NDUFS4: variants seen among roughly 807,000 people sequenced by gnomAD.
NDUFS4 encodes the protein NADH:ubiquinone oxidoreductase subunit S4.
NDUFS4 carries 28 observed loss-of-function variants against 24.3 expected under a neutral mutation model. The observed-to-expected ratio is 1.15, with a 90% CI of 0.85 to 1.58. The LOEUF is 1.58. Ranked by LOEUF, NDUFS4 falls within the 40% of genes most tolerant of loss-of-function variation. The pLI is 0.00. For synonymous variants in NDUFS4, 93 were observed against 69.7 expected (o/e 1.34, Z -1.67); for missense variants, 223 against 207.9 (o/e 1.07, Z -0.45).
intron 1 of NDUFS4, chr5:53,573,515 C>T (rs574334207): frequency 7.6e-5 from 33 of 435,436 alleles, no homozygotes; most frequent in East Asian, 2.2e-4. Flanking sequence ...GTATATGTTT[C>T]GTTAGATTTA....
chr5:53,645,332 G>A (rs1261612176), intron 2 of NDUFS4, among the ~76,000 whole-genome samples: 1 of 152,068 alleles, frequency 6.6e-6, no homozygotes, highest in Admixed American at 6.6e-5. Flanking sequence ...TCAGACCTTG[G>A]CAATGGCCTT....
At chr5:53,658,929 T>C (rs763130523) in intron 4 of NDUFS4, 1 of 301,774 alleles carries the variant, frequency 3.3e-6, no homozygotes, top group Non-Finnish European at 6.2e-6. Flanking sequence ...ACTAACATTT[T>C]GTTGAACTTC....
chr5:53,582,997 C>A (rs1391647977), intron 1 of NDUFS4, among the ~76,000 whole-genome samples: 1 of 152,050 alleles, frequency 6.6e-6, no homozygotes, highest in Non-Finnish European at 1.5e-5. Context: ...TGCCTCTCAG[C>A]CTCCTGAGTA....
At chr5:53,678,949 C>T (rs1436740614) in intron 4 of NDUFS4, among the ~76,000 whole-genome samples, 2 of 152,088 alleles carry the variant, frequency 1.3e-5, no homozygotes, top group Non-Finnish European at 2.9e-5. Context: ...ATTTGTTCAT[C>T]CAGGTACTGT....
chr5:53,565,759 G>A (rs79147863), intron 1 of NDUFS4, among the ~76,000 whole-genome samples: 2,539 of 152,324 alleles, frequency 0.017, 79 homozygotes, highest in Admixed American at 0.078. Flanking sequence ...TTTGACAAGT[G>A]TTCAGACACT....
At chr5:53,643,807 G>C (rs2112504321) in intron 2 of NDUFS4, among the ~76,000 whole-genome samples, 1 of 152,224 alleles carries the variant, frequency 6.6e-6, no homozygotes, top group South Asian at 2.1e-4. Context: ...CAATTGGGCT[G>C]TAGTACCTTA....
chr5:53,617,858 G>A (rs1479804995), intron 2 of NDUFS4, among the ~76,000 whole-genome samples: 1 of 152,192 alleles, frequency 6.6e-6, no homozygotes, highest in Non-Finnish European at 1.5e-5. Context: ...TAGATCTTTA[G>A]TCATCTCTTC....
At chr5:53,569,957 G>C (rs2112412603) in intron 1 of NDUFS4, among the ~76,000 whole-genome samples, 1 of 152,202 alleles carries the variant, frequency 6.6e-6, no homozygotes, top group South Asian at 2.1e-4. Context: ...GAAAAAAGTT[G>C]ACTCTAGGTT....
intron 2 of NDUFS4, among the ~76,000 whole-genome samples, chr5:53,626,323 C>T (rs1234717037): frequency 2.0e-5 from 3 of 152,014 alleles, no homozygotes; most frequent in Non-Finnish European, 2.9e-5. Flanking sequence ...TCTTTGCTGT[C>T]GTGAACACTG....
intron 1 of NDUFS4, among the ~76,000 whole-genome samples, chr5:53,583,247 T>A (rs923191891): frequency 2.6e-5 from 4 of 152,206 alleles, no homozygotes; most frequent in African/African-American, 9.6e-5. Flanking sequence ...TGTCAGAGAT[T>A]ACCAAAAAAT....
At chr5:53,597,454 A>G (rs1750165348) in intron 1 of NDUFS4, among the ~76,000 whole-genome samples, 1 of 152,214 alleles carries the variant, frequency 6.6e-6, no homozygotes, top group Non-Finnish European at 1.5e-5. Context: ...TCAAACTGCT[A>G]CAAGGAATAT....
At chr5:53,600,003 A>T (rs1012629145) in intron 1 of NDUFS4, among the ~76,000 whole-genome samples, 4 of 151,794 alleles carry the variant, frequency 2.6e-5, no homozygotes, top group Non-Finnish European at 5.9e-5. Context: ...TATTTATTTT[A>T]TTATTATTTT....
chr5:53,612,145 A>G (rs1230932770), intron 2 of NDUFS4, among the ~76,000 whole-genome samples: 11 of 152,102 alleles, frequency 7.2e-5, no homozygotes, highest in East Asian at 5.8e-4. Context: ...TAGACATTAC[A>G]TATATTGTTT....
At chr5:53,622,254 A>G (rs979213800) in intron 2 of NDUFS4, among the ~76,000 whole-genome samples, 5 of 152,032 alleles carry the variant, frequency 3.3e-5, no homozygotes, top group African/African-American at 1.2e-4. Context: ...TTTTGACTCC[A>G]CTTTTGACAG....
chr5:53,669,607 T>C (rs1283517605), intron 4 of NDUFS4, among the ~76,000 whole-genome samples: 1 of 152,174 alleles, frequency 6.6e-6, no homozygotes. Flanking sequence ...GTTTTCTCTT[T>C]TACCTTTTTT....
At chr5:53,648,958 T>G (rs547411254) in intron 3 of NDUFS4, among the ~76,000 whole-genome samples, 2 of 152,320 alleles carry the variant, frequency 1.3e-5, no homozygotes, top group East Asian at 3.9e-4. Flanking sequence ...ATCTGCTTCT[T>G]TGTTACAACT....
chr5:53,593,522 AC>A (rs1750039200), intron 1 of NDUFS4, among the ~76,000 whole-genome samples: 1 of 149,238 alleles, frequency 6.7e-6, no homozygotes, highest in Non-Finnish European at 1.5e-5. Flanking sequence ...ATTTTTCTTT[AC>A]CAATTTCCTA....
chr5:53,621,255 C>T (rs975201405), intron 2 of NDUFS4, among the ~76,000 whole-genome samples: 5 of 151,952 alleles, frequency 3.3e-5, no homozygotes, highest in Non-Finnish European at 5.9e-5. Context: ...TATATAACTG[C>T]CTCAGTTTTC....
chr5:53,566,015 A>G (rs1465280424), intron 1 of NDUFS4, among the ~76,000 whole-genome samples: 1 of 151,574 alleles, frequency 6.6e-6, no homozygotes, highest in East Asian at 1.9e-4. Context: ...CCACTAAAAA[A>G]TACAATAATT....
Sources: gnomAD v4.1 joint callset for allele counts (sites outside exome capture counted in the v4.1 genomes callset) on GRCh38, gnomAD v4.1.1 for gene constraint, MANE v1.5 for transcripts, NCBI Gene and HGNC (gene_info 2026-07-23, HGNC 2026-07-21) for gene names.